PEX19: variants seen among roughly 807,000 people sequenced by gnomAD.
PEX19 encodes 33 kDa housekeeping protein.
In PEX19, 29 loss-of-function variants were observed where a neutral mutation model predicts 36.3. The observed-to-expected ratio is 0.80, with a 90% CI of 0.60 to 1.09. PEX19 has a LOEUF of 1.09. Among genes scored for constraint, PEX19 ranks in the 50% least tolerant of loss-of-function variants. PEX19 has a pLI of 0.00. For synonymous variants in PEX19, 141 were observed against 135.2 expected, an observed-to-expected ratio of 1.04 and a Z score of -0.30; for missense variants, 396 against 368.1, an observed-to-expected ratio of 1.08 and a Z score of -0.62.
Position 160,277,015 on chromosome 1 carries a change from T to C in PEX19, c.*2536A>G, listed in dbSNP as rs141829599. The C allele has an allele frequency of 1.6e-4, 71 of 454,086 alleles. No individual in the cohort carries two copies. The Middle Eastern group carries it at 2.1e-3, about 13-fold the overall frequency. 28.1% of individuals were successfully genotyped at this position (454,086 alleles called of 1,614,324 possible). On this transcript the variant is annotated 3_prime_UTR_variant, in exon 8 of 8. Coordinates refer to ENST00000368072, the MANE Select transcript of PEX19 (RefSeq NM_002857.4). ...CAGAAAAGGAAGGCTAGAGAAATGCTAGAGATGTCCTTACTAGTGACACAT... is the reference window on the plus strand; with the variant it reads ...CAGAAAAGGAAGGCTAGAGAAATGCCAGAGATGTCCTTACTAGTGACACAT...
At position 160,278,356 on chromosome 1, in the gene PEX19, A is replaced by T. The variant is rs2101796996; in HGVS notation, c.*1195T>A. Reference sequence around the variant, plus strand: ...CAGTCTCCTTTGCCAACTGAGGTGCAGACTGAGTTGTGGAAGGTGGGTGTT... The same window carrying T: ...CAGTCTCCTTTGCCAACTGAGGTGCTGACTGAGTTGTGGAAGGTGGGTGTT... On this transcript the variant is annotated 3_prime_UTR_variant, in exon 8 of 8. Transcript: ENST00000368072. 1 of 686,098 alleles carries T rather than the reference A, an allele frequency of 1.5e-6. No individual in the cohort carries two copies. Among genetic ancestry groups the T allele is most frequent in the Non-Finnish European group, 2.7e-6 (1 of 376,536 alleles). 42.5% of individuals were successfully genotyped at this position (686,098 alleles called of 1,614,324 possible).
chr1:160,279,669 C>T (rs751534683), intron 7 of PEX19, 35 bp from the exon 8 acceptor site: 8 of 1,584,408 alleles, frequency 5.0e-6, no homozygotes, highest in Non-Finnish European at 6.1e-6. Flanking sequence ...GATAGTTGCT[C>T]ATTTTTTAGG....
chr1:160,278,095 AC>A lies in PEX19; in HGVS notation c.*1455del. The stretch of plus-strand genomic sequence containing the variant: ...TTGGAGAGACTTATCTTCTGAGTGA[AC>A]CAGGACAGCCAGCTGAGCTGACCAG... On this transcript the variant is annotated 3_prime_UTR_variant, in exon 8 of 8. Coordinates refer to ENST00000368072, the MANE Select transcript of PEX19 (RefSeq NM_002857.4). The A allele has an allele frequency of 1.4e-6, 1 of 702,546 alleles. No individual in the cohort carries two copies. The highest frequency in any genetic ancestry group is 2.7e-5 in the East Asian group (1 of 37,290). The allele number at this position is 702,546 out of a possible 1,614,324, so 43.5% of individuals were successfully genotyped here. A position where few individuals can be genotyped will look rare whatever the true frequency, so the allele number is the denominator to read the frequency against.
chr1:160,277,530 T>G lies in PEX19; in HGVS notation c.*2021A>C. ...AGTCCTGGAATAATTCCAAAAGTTT[T>G]TGGAACAAAGTGTGACCTGAGGTCA... On this transcript the variant is annotated 3_prime_UTR_variant, in exon 8 of 8. Transcript: ENST00000368072. 2.2e-6 allele frequency: 1 copy of G among 455,018 alleles called. No homozygotes were observed. Among genetic ancestry groups the G allele is most frequent in the South Asian group, 1.5e-5 (1 of 64,522 alleles). 28.2% of individuals were successfully genotyped at this position (455,018 alleles called of 1,614,324 possible).
At chr1:160,280,005 C>A (rs1204871247) in intron 6 of PEX19, 65 bp downstream of exon 6, 1 of 1,510,950 alleles carries the variant, frequency 6.6e-7, no homozygotes, top group Non-Finnish European at 9.2e-7. Context: ...GCATCCTTCC[C>A]AGATACTTCC....
chr1:160,283,456 A>G, intron 2 of PEX19, 74 bp downstream of exon 2: 3 of 1,093,028 alleles, frequency 2.7e-6, no homozygotes, highest in Non-Finnish European at 4.1e-6. Context: ...TCTGGCCCAT[A>G]GGGGCCTGCC....
At chr1:160,281,057 C>T (rs2101801255) in intron 5 of PEX19, 1 of 152,462 alleles carries the variant, frequency 6.6e-6, no homozygotes, top group South Asian at 2.1e-4. Flanking sequence ...CTTGTAATCC[C>T]AGCATTTTGG....
In PEX19 at chr1:160,279,817, T is replaced by A. The variant is rs1260889681; in HGVS notation, c.800A>T (p.Glu267Val). The A allele has an allele frequency of 7.4e-6, 12 of 1,613,368 alleles. No homozygotes were observed. The South Asian group carries it at 1.2e-4, about 16-fold the overall frequency. The change falls in exon 7 of 8, where the codon GAG becomes GTG. Residue 267 changes from glutamate to valine, a missense_variant. Glu to Val is a moderately radical substitution (Grantham distance 121). Coordinates refer to ENST00000368072, the MANE Select transcript of PEX19 (RefSeq NM_002857.4). ...QLQDLGHPPK[E>V]LAGEMPPGLN... ...CATACTCACCATCTCTCCAGCCAGC[T>A]CTTTTGGAGGATGGCCTAAATCTTG...
Position 160,279,188 on chromosome 1 carries a change from G to C in PEX19, c.*363C>G, listed in dbSNP as rs1470617784. The C allele has an allele frequency of 6.5e-6, 3 of 463,000 alleles. No homozygotes were observed. In the East Asian group the frequency reaches 2.0e-4, roughly 31 times the overall value. The allele number at this position is 463,000 out of a possible 1,614,324, so 28.7% of individuals were successfully genotyped here. On this transcript the variant is annotated 3_prime_UTR_variant, in exon 8 of 8. Transcript: ENST00000368072. Reference sequence around the variant, plus strand: ...GATCCAAGAGAGGGAGTAGAGACAAGGCACAAAGACCCTGGACGTAAAGGT... The same window carrying C: ...GATCCAAGAGAGGGAGTAGAGACAACGCACAAAGACCCTGGACGTAAAGGT...
intron 6 of PEX19, 62 bp downstream of exon 6, chr1:160,280,008 A>T (rs1281223648): frequency 6.6e-7 from 1 of 1,521,164 alleles, no homozygotes; most frequent in Non-Finnish European, 9.1e-7. Flanking sequence ...TCCTTCCCAG[A>T]TACTTCCTTC....
In PEX19 at chr1:160,282,104, T is replaced by C. The variant is rs1657793251; in HGVS notation, c.529A>G (p.Ser177Gly). Residue 177 changes from serine to glycine, a missense_variant, in exon 5 of 8, where the codon AGT (serine) becomes GGT (glycine). By Grantham distance (56) the Ser-to-Gly change is moderately conservative. Coordinates refer to ENST00000368072, the MANE Select transcript of PEX19 (RefSeq NM_002857.4). ...GEGNILPIMQ[S>G]IMQNLLSKDV... Reference sequence around the variant, plus strand: ...TTGGAGAGTAGGTTCTGCATAATACTCTGCATGATGGGGAGGATGTTCCCT... The same window carrying C: ...TTGGAGAGTAGGTTCTGCATAATACCCTGCATGATGGGGAGGATGTTCCCT... 6.2e-7 allele frequency: 1 copy of C among 1,613,870 alleles called. No individual in the cohort carries two copies. The highest frequency in any genetic ancestry group is 1.3e-5 in the African/African-American group (1 of 74,892).
intron 1 of PEX19, chr1:160,284,353 G>T (rs1314843219): frequency 2.6e-6 from 1 of 379,314 alleles, no homozygotes; most frequent in South Asian, 2.0e-5. Context: ...AAAAGCCTGT[G>T]TCCTCACCAC....
Position 160,279,046 on chromosome 1 carries a change from AAG to A in PEX19, c.*503_*504del, listed in dbSNP as rs1325937389. 1.8e-5 allele frequency: 8 copies of A among 454,364 alleles called. No homozygotes were observed. Among genetic ancestry groups the A allele is most frequent in the African/African-American group, 4.0e-5 (2 of 50,006 alleles). 28.1% of individuals were successfully genotyped at this position (454,364 alleles called of 1,614,324 possible). ...AATTCAGAATGGTCTGTCTGAAGGCAAGAGAGCATAGTGACAGACCTGTAGCC... is the reference window on the plus strand; with the variant it reads ...AATTCAGAATGGTCTGTCTGAAGGCAAGAGCATAGTGACAGACCTGTAGCC... On this transcript the variant is annotated 3_prime_UTR_variant, in exon 8 of 8. Coordinates refer to ENST00000368072, the MANE Select transcript of PEX19 (RefSeq NM_002857.4).
rs769952052 is a variant in PEX19 at position 160,279,877 on chromosome 1, G to A, written c.772-32C>T. 8.2e-6 allele frequency: 13 copies of A among 1,585,330 alleles called. No individual in the cohort carries two copies. In the African/African-American group the frequency reaches 1.7e-4, roughly 21 times the overall value. On this transcript the variant is annotated intron_variant, in intron 6 of 7. Transcript: ENST00000368072. ...AATAAGGAAAATGGAACATGAAATA[G>A]AGAAAAGCCCAGAAAACAACAGAGG...
chr1:160,285,092 C>G lies in PEX19; in HGVS notation c.33G>C (p.Gly11=), dbSNP rs1253822978. MAAAEEGCSV[G]AEADRELEEL... is the part of the protein sequence containing the mutation. ...CCTCCAATTCCCTGTCCGCTTCGGC[C>G]CCGACACTACAGCCTTCCTCAGCGG... The change falls in exon 1 of 8, where the codon GGG becomes GGC. Residue 11 remains glycine (G), a synonymous_variant. Coordinates refer to ENST00000368072, the MANE Select transcript of PEX19 (RefSeq NM_002857.4). 6.2e-7 allele frequency: 1 copy of G among 1,614,078 alleles called. No individual in the cohort carries two copies. Among genetic ancestry groups the G allele is most frequent in the African/African-American group, 1.3e-5 (1 of 75,064 alleles).
Position 160,282,415 on chromosome 1 carries a change from A to G in PEX19, c.432+2T>C, listed in dbSNP as rs757078881. 26 of 1,612,418 alleles carry G rather than the reference A, an allele frequency of 1.6e-5. No individual in the cohort carries two copies. The highest frequency in any genetic ancestry group is 2.1e-5 in the Non-Finnish European group (25 of 1,178,522). On this transcript the variant is annotated splice_donor_variant, in intron 4 of 7. Coordinates refer to ENST00000368072, the MANE Select transcript of PEX19 (RefSeq NM_002857.4). LOFTEE classifies it high-confidence loss of function. Reference sequence around the variant, plus strand: ...TGTGGGCCCCTACTACTTTCTCCTCACCTGAAGGTCAGTGGCATTTTTGGC... The same window carrying G: ...TGTGGGCCCCTACTACTTTCTCCTCGCCTGAAGGTCAGTGGCATTTTTGGC...
intron 3 of PEX19, 152 bp from the exon 4 acceptor site, chr1:160,282,654 T>C: frequency 1.4e-6 from 1 of 730,802 alleles, no homozygotes; most frequent in Non-Finnish European, 2.4e-6. Flanking sequence ...AGTCTTTTCA[T>C]AAATCTATTT....
rs1165603015 is a variant in PEX19, at chr1:160,279,631, G to A, written c.820C>T (p.Pro274Ser). 1 of 1,613,948 alleles carries A rather than the reference G, an allele frequency of 6.2e-7. No individual in the cohort carries two copies. The highest frequency in any genetic ancestry group is 2.2e-5 in the East Asian group (1 of 44,886). ...PPKELAGEMP[P>S]GLNFDLDALN... ...GCATCCAGGTCAAAGTTGAGGCCAG[G>A]AGGCTGGGGAAGAGATGAAGGGACT... The change falls in exon 8 of 8, where the codon CCT becomes TCT. Residue 274 changes from proline (P) to serine (S), a missense_variant. Coordinates refer to ENST00000368072, the MANE Select transcript of PEX19 (RefSeq NM_002857.4).
rs1181766686 is a variant in PEX19 at position 160,278,427 on chromosome 1, A to ATACC, written c.*1120_*1123dup. ...TATTGTGTAGAACTAGTCTCCTAATATACCTCACTCTGCAACTTACGGAAG... is the reference window on the plus strand; with the variant it reads ...TATTGTGTAGAACTAGTCTCCTAATATACCTACCTCACTCTGCAACTTACGGAAG... On this transcript the variant is annotated 3_prime_UTR_variant, in exon 8 of 8. Transcript: ENST00000368072. 1.1e-5 allele frequency: 7 copies of ATACC among 615,384 alleles called. No individual in the cohort carries two copies. Among genetic ancestry groups the ATACC allele is most frequent in the South Asian group, 1.1e-4 (7 of 65,898 alleles). 38.1% of individuals were successfully genotyped at this position (615,384 alleles called of 1,614,324 possible).
Sources: gnomAD v4.1 joint callset for allele counts on GRCh38, gnomAD v4.1.1 for gene constraint, MANE v1.5 for transcripts, NCBI Gene and HGNC (gene_info 2026-07-23, HGNC 2026-07-21) for gene names.